C1orf21: variants seen among roughly 807,000 people sequenced by gnomAD.
The protein encoded by C1orf21 is chromosome 1 open reading frame 21.
In C1orf21, 3 loss-of-function variants were observed where a neutral mutation model predicts 18.7. The observed-to-expected ratio is 0.16, with a 90% CI of 0.07 to 0.42. The LOEUF is 0.42. C1orf21 is among the 10% of genes least tolerant of loss of function. C1orf21 has a pLI of 0.99. For synonymous variants in C1orf21, 41 were observed against 46.4 expected, an observed-to-expected ratio of 0.88 and a Z score of 0.47; for missense variants, 104 against 143.6, an observed-to-expected ratio of 0.72 and a Z score of 1.41.
At chr1:184,598,377 A>C (rs1305381529) in intron 4 of C1orf21, 24 bp from the exon 5 acceptor site, 8 of 1,609,100 alleles carry the variant, frequency 5.0e-6, no homozygotes, top group Non-Finnish European at 6.8e-6. Context: ...TAAAATATGC[A>C]CTTAACTACC....
intron 1 of C1orf21, chr1:184,408,435 G>A (rs7538587): frequency 0.27 from 40,849 of 152,182 alleles, 7,995 homozygotes; most frequent in African/African-American, 0.56. Flanking sequence ...TTATTCTGCT[G>A]CAGCAGCCCA....
intron 2 of C1orf21, among the ~76,000 whole-genome samples, chr1:184,505,764 A>G (rs993808518): frequency 6.6e-6 from 1 of 152,138 alleles, no homozygotes; most frequent in African/African-American, 2.4e-5. Flanking sequence ...CTCTGTCTGA[A>G]AAAACAAACA....
intron 5 of C1orf21, among the ~76,000 whole-genome samples, chr1:184,608,834 C>G (rs1399465098): frequency 6.6e-6 from 1 of 152,124 alleles, no homozygotes; most frequent in Non-Finnish European, 1.5e-5. Flanking sequence ...TAGCCATGCC[C>G]TAGAAGAGGA....
chr1:184,597,372 T>C (rs1200267906), intron 4 of C1orf21, among the ~76,000 whole-genome samples: 2 of 152,314 alleles, frequency 1.3e-5, no homozygotes, highest in East Asian at 3.9e-4. Context: ...CCCCACTGTC[T>C]GTCACAGGAG....
At chr1:184,465,779 G>A (rs1011687027) in intron 1 of C1orf21, among the ~76,000 whole-genome samples, 2 of 152,176 alleles carry the variant, frequency 1.3e-5, no homozygotes, top group Admixed American at 6.5e-5. Flanking sequence ...CCCTAATACT[G>A]TTATACTGTT....
Position 184,576,267 on chromosome 1 carries a change from G to A in C1orf21, c.190-14472G>A, listed in dbSNP as rs572943207. ...AGCCTCCTGAGTAGCTGGAATTATA[G>A]GCATGCGCCACCACATCCAGCTAAT... On this transcript the variant is annotated intron_variant, in intron 3 of 5. Coordinates refer to ENST00000235307, the MANE Select transcript of C1orf21 (RefSeq NM_030806.4). Among the ~76,000 whole-genome samples the A allele has an allele frequency of 7.9e-5, 12 of 152,260 alleles. No homozygotes were observed. In the East Asian group the frequency reaches 2.3e-3, roughly 29 times the overall value.
chr1:184,595,645 T>C (rs1659501608), intron 4 of C1orf21, among the ~76,000 whole-genome samples: 2 of 152,210 alleles, frequency 1.3e-5, no homozygotes, highest in Non-Finnish European at 2.9e-5. Flanking sequence ...GTAGGCCTCA[T>C]GCTTTCGGAT....
At chr1:184,390,395 G>A (rs1258766847) in intron 1 of C1orf21, among the ~76,000 whole-genome samples, 3 of 152,188 alleles carry the variant, frequency 2.0e-5, no homozygotes, top group African/African-American at 7.2e-5. Flanking sequence ...TATCAATCAG[G>A]AGTGAGGGTA....
At chr1:184,507,292 A>C (rs1026305182) in intron 2 of C1orf21, among the ~76,000 whole-genome samples, 2 of 152,192 alleles carry the variant, frequency 1.3e-5, no homozygotes, top group African/African-American at 4.8e-5. Context: ...AAAAGTCTTT[A>C]GAGATGGAGT....
At chr1:184,431,590 A>G (rs1236689914) in intron 1 of C1orf21, among the ~76,000 whole-genome samples, 1 of 152,244 alleles carries the variant, frequency 6.6e-6, no homozygotes, top group African/African-American at 2.4e-5. Context: ...CACCAAAAGC[A>G]ATAGCAACAA....
intron 5 of C1orf21, among the ~76,000 whole-genome samples, chr1:184,604,615 T>A (rs1411159806): frequency 2.6e-5 from 4 of 152,198 alleles, no homozygotes; most frequent in Admixed American, 6.5e-5. Flanking sequence ...AGAGCTATAA[T>A]TACAACAGGC....
At chr1:184,419,425 G>A (rs925585452) in intron 1 of C1orf21, among the ~76,000 whole-genome samples, 2 of 152,126 alleles carry the variant, frequency 1.3e-5, no homozygotes, top group African/African-American at 4.8e-5. Context: ...TCCTTATGGA[G>A]TCCTAAGAAG....
At chr1:184,394,327 CAT>C (rs1367822620) in intron 1 of C1orf21, among the ~76,000 whole-genome samples, 2 of 152,160 alleles carry the variant, frequency 1.3e-5, no homozygotes, top group East Asian at 3.8e-4. Context: ...TGTTAAACCA[CAT>C]GTTAGAATAT....
chr1:184,407,705 G>A (rs1279786681), intron 1 of C1orf21, among the ~76,000 whole-genome samples: 1 of 152,118 alleles, frequency 6.6e-6, no homozygotes, highest in Non-Finnish European at 1.5e-5. Flanking sequence ...GTGGGGGAGT[G>A]GTGGGGGAAG....
chr1:184,532,976 G>A (rs1658489923), intron 3 of C1orf21, among the ~76,000 whole-genome samples: 1 of 152,146 alleles, frequency 6.6e-6, no homozygotes, highest in South Asian at 2.1e-4. Flanking sequence ...AGGTCTGCAA[G>A]CTTCTTACCA....
chr1:184,449,534 G>C (rs575306350), intron 1 of C1orf21, among the ~76,000 whole-genome samples: 339 of 152,224 alleles, frequency 2.2e-3, no homozygotes, highest in Middle Eastern at 3.4e-3. Context: ...CTTTATAGCA[G>C]CATGATTTAT....
chr1:184,434,619 G>A (rs1656828533), intron 1 of C1orf21, among the ~76,000 whole-genome samples: 1 of 152,170 alleles, frequency 6.6e-6, no homozygotes. Context: ...TGGCTCTTGG[G>A]CCTCCAAGGG....
chr1:184,567,866 C>T lies in C1orf21; in HGVS notation c.190-22873C>T, dbSNP rs144094399. On this transcript the variant is annotated intron_variant, in intron 3 of 5. Transcript: ENST00000235307. ...ATGAAACCACAAGGAATGAACCACA[C>T]TGAAAGTTCCAGGGGCTAATCTTGA... 7.9e-3 allele frequency: 1,611 copies of T among 204,670 alleles called. 7 individuals are homozygous for T. Among genetic ancestry groups the T allele is most frequent in the Middle Eastern group, 0.027 (14 of 520 alleles). 12.7% of individuals were successfully genotyped at this position (204,670 alleles called of 1,614,324 possible).
intron 1 of C1orf21, among the ~76,000 whole-genome samples, chr1:184,407,455 A>T (rs12130008): frequency 0.072 from 10,954 of 152,270 alleles, 527 homozygotes; most frequent in African/African-American, 0.14. Context: ...AAAACTCAGA[A>T]AATCTCTCAG....
Sources: gnomAD v4.1 joint callset for allele counts (sites outside exome capture counted in the v4.1 genomes callset) on GRCh38, gnomAD v4.1.1 for gene constraint, MANE v1.5 for transcripts, NCBI Gene and HGNC (gene_info 2026-07-23, HGNC 2026-07-21) for gene names.